Variants in C16orf89 observed in about 807,000 individuals in gnomAD.
C16orf89 encodes the protein chromosome 16 open reading frame 89, also known as UPF0764 protein C16orf89.
In C16orf89, 57 loss-of-function variants were observed where a neutral mutation model predicts 41.5. The ratio of observed to expected loss-of-function variants is 1.38; its 90% CI spans 1.11 to 1.71. C16orf89 has a LOEUF of 1.71. Among genes scored for constraint, C16orf89 ranks in the 40% most tolerant of loss-of-function variants. The probability of loss-of-function intolerance (pLI) is 0.00; values close to 1 mark genes in which losing one functional copy is unlikely to be tolerated. For missense variants in C16orf89, 575 were observed against 445.9 expected (o/e 1.29, Z -2.61); for synonymous variants, 223 against 190.6 (o/e 1.17, Z -1.40).
At chr16:5,063,758 A>G (rs1204939476) in intron 1 of C16orf89, among the ~76,000 whole-genome samples, 1 of 152,212 alleles carries the variant, frequency 6.6e-6, no homozygotes, top group East Asian at 1.9e-4. Flanking sequence ...TACTTGCAGG[A>G]AAACAGTCTC....
chr16:5,043,183 G>A (rs1200242960), downstream of C16orf89: 1 of 152,362 alleles, frequency 6.6e-6, no homozygotes, highest in Non-Finnish European at 1.5e-5. Flanking sequence ...CCTCAAGTGA[G>A]CCTCCCGAGT....
chr16:5,055,680 C>G (rs1181008353), intron 5 of C16orf89: 2 of 1,534,690 alleles, frequency 1.3e-6, no homozygotes, highest in South Asian at 2.4e-5. Flanking sequence ...GTCTGTCTGC[C>G]AGTCACCTGG....
At chr16:5,056,823 A>G (rs1477374145) in intron 4 of C16orf89, among the ~76,000 whole-genome samples, 2 of 152,198 alleles carry the variant, frequency 1.3e-5, no homozygotes, top group African/African-American at 4.8e-5. Flanking sequence ...CAGCTTGCAG[A>G]GAAATAATAA....
At chr16:5,063,560 C>G (rs925428953) in intron 1 of C16orf89, among the ~76,000 whole-genome samples, 22 of 152,170 alleles carry the variant, frequency 1.4e-4, no homozygotes, top group African/African-American at 5.3e-4. Context: ...ACAGCCACTC[C>G]CCATCATTCG....
chr16:5,058,901 G>C (rs558878911), intron 3 of C16orf89, among the ~76,000 whole-genome samples: 27 of 152,138 alleles, frequency 1.8e-4, no homozygotes, highest in African/African-American at 5.8e-4. Context: ...CGAACAGTGG[G>C]TACTTGAACC....
chr16:5,059,764 A>C (rs951460898), intron 3 of C16orf89, among the ~76,000 whole-genome samples: 2 of 152,162 alleles, frequency 1.3e-5, no homozygotes, highest in Admixed American at 6.5e-5. Context: ...ATACAAATGT[A>C]AATTGCATCT....
chr16:5,051,783 C>A (rs544854590), intron 6 of C16orf89, among the ~76,000 whole-genome samples: 1 of 152,240 alleles, frequency 6.6e-6, no homozygotes, highest in East Asian at 1.9e-4. Flanking sequence ...TACTGGACTT[C>A]AAAATATGCT....
intron 5 of C16orf89, 114 bp downstream of exon 5, chr16:5,055,939 G>A (rs991679300): frequency 3.9e-3 from 29 of 7,462 alleles, no homozygotes; most frequent in Non-Finnish European, 7.6e-3. Context: ...TGGCAACTCC[G>A]TGTGTGTGTG....
intron 1 of C16orf89, among the ~76,000 whole-genome samples, chr16:5,062,858 C>G (rs1956657747): frequency 6.6e-6 from 1 of 152,116 alleles, no homozygotes; most frequent in African/African-American, 2.4e-5. Context: ...AGGTTCAAAT[C>G]CTCAAATCCT....
chr16:5,054,469 C>A (rs936401724), intron 6 of C16orf89, among the ~76,000 whole-genome samples: 2 of 152,204 alleles, frequency 1.3e-5, no homozygotes, highest in Non-Finnish European at 2.9e-5. Flanking sequence ...CTTCCTCACC[C>A]TGTCGTCTCC....
chr16:5,044,103 A>C, downstream of C16orf89: 1 of 1,205,928 alleles, frequency 8.3e-7, no homozygotes, highest in Non-Finnish European at 1.0e-6. Flanking sequence ...AAAGCTGAGA[A>C]ACAAGACTCA....
At chr16:5,058,685 T>A in intron 3 of C16orf89, 75 bp from the exon 4 acceptor site, 2 of 1,259,728 alleles carry the variant, frequency 1.6e-6, no homozygotes, top group Non-Finnish European at 2.2e-6. Flanking sequence ...CCCCTAGTTG[T>A]AGTTGTTGGA....
At chr16:5,055,839 T>C in intron 5 of C16orf89, 1 of 1,339,276 alleles carries the variant, frequency 7.5e-7, no homozygotes, top group Non-Finnish European at 1.0e-6. Context: ...TCCCATGAAA[T>C]AGTTGGGATA....
chr16:5,056,027 C>A, intron 5 of C16orf89, 26 bp downstream of exon 5: 1 of 1,556,354 alleles, frequency 6.4e-7, no homozygotes, highest in Non-Finnish European at 8.7e-7. Flanking sequence ...TGTTCCTTTG[C>A]CCCGGGGGCA....
chr16:5,052,830 A>G (rs1225743634), intron 6 of C16orf89, among the ~76,000 whole-genome samples: 1 of 152,194 alleles, frequency 6.6e-6, no homozygotes, highest in African/African-American at 2.4e-5. Flanking sequence ...CTGCACCCCC[A>G]TGTTTATTGC....
At chr16:5,056,826 A>C (rs1195313790) in intron 4 of C16orf89, among the ~76,000 whole-genome samples, 1 of 152,184 alleles carries the variant, frequency 6.6e-6, no homozygotes, top group African/African-American at 2.4e-5. Flanking sequence ...CTTGCAGAGA[A>C]ATAATAATTT....
At chr16:5,047,524 G>C (rs138270489) in intron 7 of C16orf89, among the ~76,000 whole-genome samples, 21 of 150,630 alleles carry the variant, frequency 1.4e-4, no homozygotes, top group African/African-American at 4.9e-4. Context: ...CTGGAGTGCA[G>C]TGGTGCGATC....
At chr16:5,045,532 C>G (rs949640799) in intron 7 of C16orf89, among the ~76,000 whole-genome samples, 7 of 152,118 alleles carry the variant, frequency 4.6e-5, no homozygotes, top group African/African-American at 1.7e-4. Flanking sequence ...GGAGGGGACC[C>G]CAGCCAGGTC....
intron 6 of C16orf89, among the ~76,000 whole-genome samples, chr16:5,051,527 G>A (rs1956396884): frequency 6.6e-6 from 1 of 152,096 alleles, no homozygotes; most frequent in African/African-American, 2.4e-5. Flanking sequence ...AACTGTAAAA[G>A]ACACTGATGA....
Sources: allele counts gnomAD v4.1 joint callset (sites outside exome capture counted in the v4.1 genomes callset), GRCh38; gene constraint gnomAD v4.1.1; transcripts MANE v1.5; gene names NCBI Gene and HGNC (gene_info 2026-07-23, HGNC 2026-07-21).